The following TPPP variants were observed in gnomAD, a reference collection of about 807,000 sequenced individuals.
The protein encoded by TPPP is tubulin polymerization promoting protein.
A neutral mutation model predicts 15.5 loss-of-function variants in TPPP; 6 were observed. The ratio of observed to expected loss-of-function variants is 0.39; its 90% CI spans 0.21 to 0.77. The LOEUF (loss-of-function observed/expected upper bound fraction) is 0.77, where lower values mean the gene tolerates loss of function less well. Ranked by LOEUF, TPPP falls within the 30% of genes least tolerant of loss-of-function variation. The probability of loss-of-function intolerance (pLI) is 0.42; values close to 1 mark genes in which losing one functional copy is unlikely to be tolerated. For synonymous variants in TPPP, 146 were observed against 133.9 expected (o/e 1.09, Z -0.63); for missense variants, 269 against 307.2 (o/e 0.88, Z 0.93).
intron 2 of TPPP, among the ~76,000 whole-genome samples, chr5:670,350 C>T (rs1740174317): frequency 6.6e-6 from 1 of 152,330 alleles, no homozygotes; most frequent in East Asian, 1.9e-4. Flanking sequence ...CCTGCAGCTG[C>T]TGTGGCTGGA....
intron 1 of TPPP, among the ~76,000 whole-genome samples, chr5:682,273 C>T (rs1344507906): frequency 7.0e-6 from 1 of 143,728 alleles, no homozygotes. Flanking sequence ...ACAGGGGTCT[C>T]GCACTTGGGC....
At chr5:674,026 A>G (rs11742854) in intron 2 of TPPP, among the ~76,000 whole-genome samples, 19,079 of 152,258 alleles carry the variant, frequency 0.13, 1,528 homozygotes, top group South Asian at 0.19. Context: ...CACAGCCGGC[A>G]CTGCACTTGG....
In TPPP at chr5:664,203, C is replaced by A. The variant is rs548522543; in HGVS notation, c.*899G>T. On this transcript the variant is annotated 3_prime_UTR_variant, in exon 4 of 4. Transcript: ENST00000360578. The stretch of plus-strand genomic sequence containing the variant: ...GCAAACAGGGTGCAGCTAGTGAGGA[C>A]GGGCGAACGGGAGGGCCGGGCAGAG... The A allele has an allele frequency of 6.6e-6, 1 of 152,668 alleles. No individual in the cohort carries two copies. The highest frequency in any genetic ancestry group is 1.5e-5 in the Non-Finnish European group (1 of 68,294). 9.5% of individuals were successfully genotyped at this position (152,668 alleles called of 1,614,324 possible).
intron 2 of TPPP, chr5:675,799 G>C (rs1157282316): frequency 1.3e-5 from 2 of 152,296 alleles, no homozygotes; most frequent in Non-Finnish European, 2.9e-5. Flanking sequence ...GTTGGCAAAT[G>C]ATGGCCCTTT....
chr5:672,811 G>A (rs1349247957), intron 2 of TPPP, among the ~76,000 whole-genome samples: 4 of 152,250 alleles, frequency 2.6e-5, no homozygotes, highest in Non-Finnish European at 5.9e-5. Flanking sequence ...TTGCAGGAGG[G>A]AGTCATTGTC....
chr5:698,355 GAGA>G, the TPPP span, among the ~76,000 whole-genome samples: 2 of 152,066 alleles, frequency 1.3e-5, no homozygotes, highest in Admixed American at 6.6e-5. Context: ...ATGCACATTG[GAGA>G]AGAAGGAGCC....
chr5:678,140 G>T (rs569487310), intron 1 of TPPP, 76 bp from the exon 2 acceptor site: 2 of 1,419,504 alleles, frequency 1.4e-6, no homozygotes, highest in Non-Finnish European at 1.9e-6. Context: ...AGGAAACCCC[G>T]CCGTACCAAT....
In TPPP at chr5:660,619, G is replaced by A. The variant is rs1050053331; in HGVS notation, c.*4483C>T. 1.3e-5 allele frequency: 2 copies of A among 152,332 alleles called. No individual in the cohort carries two copies. The highest frequency in any genetic ancestry group is 4.8e-5 in the African/African-American group (2 of 41,438). 9.4% of individuals were successfully genotyped at this position (152,332 alleles called of 1,614,324 possible). ...CGTGATTGCCCACAGGAGGAGATGA[G>A]CTGGGCCAGTAGAGGGACAGGTAAG... On this transcript the variant is annotated 3_prime_UTR_variant, in exon 4 of 4. Transcript: ENST00000360578.
chr5:681,319 G>A lies in TPPP; in HGVS notation c.-4-3255C>T, dbSNP rs375058323. On this transcript the variant is annotated intron_variant, in intron 1 of 3. Transcript: ENST00000360578. Reference sequence around the variant, plus strand: ...CCAGGAAGACAAACTGCTCACCTGGGGTCAAAGGACAAGCTCCCAGGCGTG... The same window carrying A: ...CCAGGAAGACAAACTGCTCACCTGGAGTCAAAGGACAAGCTCCCAGGCGTG... Among the ~76,000 whole-genome samples, 3 of 152,158 alleles carry A rather than the reference G, an allele frequency of 2.0e-5. No individual in the cohort carries two copies. In the South Asian group the frequency reaches 6.2e-4, roughly 32 times the overall value.
intron 1 of TPPP, among the ~76,000 whole-genome samples, chr5:681,511 A>G (rs1579194264): frequency 6.6e-6 from 1 of 151,910 alleles, no homozygotes; most frequent in South Asian, 2.1e-4. Context: ...GTGCACCTGC[A>G]CCCTCTCCCA....
At chr5:680,584 C>G (rs968485893) in intron 1 of TPPP, among the ~76,000 whole-genome samples, 3 of 149,848 alleles carry the variant, frequency 2.0e-5, no homozygotes, top group African/African-American at 7.4e-5. Context: ...GAGAACCAGG[C>G]CCAGGCAGTT....
At position 677,737 on chromosome 5, in the gene TPPP, C is replaced by T. The variant is rs1302066947; in HGVS notation, c.311+13G>A. On this transcript the variant is annotated intron_variant, in intron 2 of 3. Coordinates refer to ENST00000360578, the MANE Select transcript of TPPP (RefSeq NM_007030.3). ...AAGTCAGGTCCCTCGGCCCGTGAGC[C>T]CAGCGCACTCACTTGATCTTGCTGA... The T allele has an allele frequency of 1.3e-6, 2 of 1,542,508 alleles. No individual in the cohort carries two copies. The highest frequency in any genetic ancestry group is 1.7e-6 in the Non-Finnish European group (2 of 1,143,326).
At chr5:667,785 C>CT (rs1338168074) in intron 2 of TPPP, among the ~76,000 whole-genome samples, 1 of 151,762 alleles carries the variant, frequency 6.6e-6, no homozygotes, top group Non-Finnish European at 1.5e-5. Flanking sequence ...GACAAGCACA[C>CT]GGAGAGGGGT....
At chr5:673,900 A>T (rs1740309938) in intron 2 of TPPP, among the ~76,000 whole-genome samples, 1 of 152,228 alleles carries the variant, frequency 6.6e-6, no homozygotes, top group South Asian at 2.1e-4. Context: ...ACAGCCACCC[A>T]GCCCCACCCA....
Position 678,016 on chromosome 5 carries a change from G to A in TPPP, c.45C>T (p.Pro15=), listed in dbSNP as rs775572584. The A allele has an allele frequency of 8.1e-6, 13 of 1,599,974 alleles. No individual in the cohort carries two copies. The highest frequency in any genetic ancestry group is 1.7e-4 in the Middle Eastern group (1 of 5,824). The change falls in exon 2 of 4, where the codon CCC becomes CCT. Residue 15 remains proline (P), a synonymous_variant. Transcript: ENST00000360578. ...AKPAKAANRT[P]PKSPGDPSKD... Reference sequence around the variant, plus strand: ...TCGAGGGGTCCCCCGGGGACTTGGGGGGCGTCCTGTTGGCAGCTTTGGCAG... The same window carrying A: ...TCGAGGGGTCCCCCGGGGACTTGGGAGGCGTCCTGTTGGCAGCTTTGGCAG...
intron 1 of TPPP, among the ~76,000 whole-genome samples, chr5:678,957 G>C (rs1321828093): frequency 6.6e-6 from 1 of 152,092 alleles, no homozygotes; most frequent in African/African-American, 2.4e-5. Context: ...ACTCAAGGCT[G>C]AGGTGCTGGA....
chr5:666,948 C>G (rs1739941289), intron 2 of TPPP: 1 of 152,192 alleles, frequency 6.6e-6, no homozygotes, highest in African/African-American at 2.4e-5. Flanking sequence ...GCAAAAGGCA[C>G]CTGCATTTCA....
intron 2 of TPPP, among the ~76,000 whole-genome samples, chr5:673,922 G>A (rs1047615953): frequency 1.3e-5 from 2 of 152,250 alleles, no homozygotes; most frequent in African/African-American, 2.4e-5. Context: ...CGCAGGGAGA[G>A]TTCTGCATGT....
chr5:699,945 A>G, the TPPP span, among the ~76,000 whole-genome samples: 1 of 151,840 alleles, frequency 6.6e-6, no homozygotes, highest in Non-Finnish European at 1.5e-5. Flanking sequence ...TAAAAGTAAG[A>G]GATTTTAGTG....
Sources: allele counts gnomAD v4.1 joint callset (sites outside exome capture counted in the v4.1 genomes callset), GRCh38; gene constraint gnomAD v4.1.1; transcripts MANE v1.5; gene names NCBI Gene and HGNC (gene_info 2026-07-23, HGNC 2026-07-21).